GABRG3: variants seen among roughly 807,000 people sequenced by gnomAD.
GABRG3 encodes the protein gamma-aminobutyric acid type A receptor subunit gamma3.
Under a neutral mutation model 48.8 loss-of-function variants are expected in GABRG3, and 25 were observed. The observed-to-expected ratio is 0.51, with a 90% CI of 0.37 to 0.72. The LOEUF (loss-of-function observed/expected upper bound fraction) is 0.72, where lower values mean the gene tolerates loss of function less well. Ranked by LOEUF, GABRG3 falls within the 30% of genes least tolerant of loss-of-function variation. The probability of loss-of-function intolerance (pLI) is 0.00; values close to 1 mark genes in which losing one functional copy is unlikely to be tolerated. For synonymous variants in GABRG3, 227 were observed against 217.6 expected, an observed-to-expected ratio of 1.04 and a Z score of -0.38; for missense variants, 394 against 577.9, an observed-to-expected ratio of 0.68 and a Z score of 3.26.
At position 27,051,645 on chromosome 15, in the gene GABRG3, C is replaced by T. The variant is rs187630926; in HGVS notation, c.270+24824C>T. Among the ~76,000 whole-genome samples, 336 of 152,326 alleles carry T rather than the reference C, an allele frequency of 2.2e-3. No individual in the cohort carries two copies. In the Middle Eastern group the frequency reaches 0.024, roughly 11 times the overall value. ...AGACAGTAGTCCCCAACCTTTTTGG[C>T]ACCAGGGACCGGTTTCATGGAAGAC... is the stretch of plus-strand genomic sequence containing the variant. On this transcript the variant is annotated intron_variant, in intron 3 of 9. Transcript: ENST00000615808.
intron 3 of GABRG3, among the ~76,000 whole-genome samples, chr15:27,121,542 A>G (rs1897731470): frequency 6.6e-6 from 1 of 152,250 alleles, no homozygotes; most frequent in Non-Finnish European, 1.5e-5. Flanking sequence ...GTGACTGTGT[A>G]GAGGCTGTGC....
At chr15:27,175,512 T>C (rs1280409362) in intron 3 of GABRG3, among the ~76,000 whole-genome samples, 1 of 152,202 alleles carries the variant, frequency 6.6e-6, no homozygotes, top group Non-Finnish European at 1.5e-5. Context: ...GCAGTAAGAA[T>C]TTGGAAAAAT....
intron 3 of GABRG3, among the ~76,000 whole-genome samples, chr15:27,247,305 G>A (rs1013435668): frequency 9.2e-5 from 14 of 151,840 alleles, no homozygotes; most frequent in Non-Finnish European, 1.3e-4. Flanking sequence ...TCTAACCCTC[G>A]GGCTTAGTGC....
intron 2 of GABRG3, among the ~76,000 whole-genome samples, chr15:26,977,827 G>A (rs1009534465): frequency 6.6e-6 from 1 of 152,098 alleles, no homozygotes. Flanking sequence ...TGTATTTTTG[G>A]GATAAATACC....
At chr15:26,971,719 T>A in intron 1 of GABRG3, 131 bp downstream of exon 1, 1 of 1,050,116 alleles carries the variant, frequency 9.5e-7, no homozygotes, top group Non-Finnish European at 1.3e-6. Context: ...GGGAGGGGAC[T>A]GGGAAGTCGG....
chr15:27,479,669 A>G (rs1890048569), intron 5 of GABRG3, among the ~76,000 whole-genome samples: 1 of 152,238 alleles, frequency 6.6e-6, no homozygotes, highest in South Asian at 2.1e-4. Flanking sequence ...TGGTGCATAC[A>G]TTTCTTCCAG....
At chr15:27,316,345 G>C (rs977773799) in intron 3 of GABRG3, among the ~76,000 whole-genome samples, 2 of 130,478 alleles carry the variant, frequency 1.5e-5, no homozygotes, top group South Asian at 4.7e-4. Flanking sequence ...CCGAGATCCC[G>C]CCACTGCACT....
chr15:27,035,069 C>T (rs1896152355), intron 3 of GABRG3, among the ~76,000 whole-genome samples: 1 of 152,256 alleles, frequency 6.6e-6, no homozygotes, highest in South Asian at 2.1e-4. Flanking sequence ...GTTCATAGGC[C>T]GTCCATCTGG....
At chr15:27,128,037 G>A (rs1054799568) in intron 3 of GABRG3, among the ~76,000 whole-genome samples, 7 of 152,190 alleles carry the variant, frequency 4.6e-5, no homozygotes, top group Admixed American at 1.3e-4. Flanking sequence ...CACATCTCAT[G>A]ACATATAAAG....
intron 3 of GABRG3, among the ~76,000 whole-genome samples, chr15:27,067,978 G>T (rs1464897891): frequency 6.6e-6 from 1 of 152,190 alleles, no homozygotes; most frequent in Non-Finnish European, 1.5e-5. Flanking sequence ...AGAAGGCTTA[G>T]CTAGTAAGTA....
chr15:27,159,037 G>C (rs1460262830), intron 3 of GABRG3, among the ~76,000 whole-genome samples: 3 of 152,108 alleles, frequency 2.0e-5, no homozygotes, highest in African/African-American at 7.2e-5. Flanking sequence ...CGCTCACTTT[G>C]CTTATGGCAC....
intron 3 of GABRG3, among the ~76,000 whole-genome samples, chr15:27,171,900 T>A (rs1887584042): frequency 6.6e-6 from 1 of 152,204 alleles, no homozygotes. Context: ...TATTTGGCTT[T>A]TGGTTTTTGG....
chr15:27,366,816 A>G (rs1042456610), intron 5 of GABRG3, among the ~76,000 whole-genome samples: 1 of 152,144 alleles, frequency 6.6e-6, no homozygotes, highest in African/African-American at 2.4e-5. Flanking sequence ...CCTTGTGCCC[A>G]TGTGCCCGTG....
At chr15:27,004,070 CG>C (rs1334880156) in intron 2 of GABRG3, among the ~76,000 whole-genome samples, 3 of 145,862 alleles carry the variant, frequency 2.1e-5, no homozygotes, top group Admixed American at 6.7e-5. Flanking sequence ...GCTGACCCGG[CG>C]GGGGGCTGAC....
At chr15:27,089,630 C>G (rs894672523) in intron 3 of GABRG3, among the ~76,000 whole-genome samples, 1 of 152,140 alleles carries the variant, frequency 6.6e-6, no homozygotes, top group Non-Finnish European at 1.5e-5. Context: ...GAGAGAGGCT[C>G]TTGGATTGGA....
intron 3 of GABRG3, among the ~76,000 whole-genome samples, chr15:27,076,754 A>G (rs1313787852): frequency 6.6e-6 from 1 of 152,156 alleles, no homozygotes; most frequent in Admixed American, 6.5e-5. Context: ...ACACTGCCAC[A>G]AGTCAGCAGA....
At chr15:27,210,077 T>G (rs1889022047) in intron 3 of GABRG3, among the ~76,000 whole-genome samples, 1 of 152,088 alleles carries the variant, frequency 6.6e-6, no homozygotes, top group African/African-American at 2.4e-5. Flanking sequence ...AACATATGAA[T>G]TTGGGGGGAC....
intron 6 of GABRG3, among the ~76,000 whole-genome samples, chr15:27,505,909 A>C (rs1433917215): frequency 6.6e-6 from 1 of 152,200 alleles, no homozygotes. Context: ...ATTTTTAGAA[A>C]GATTAAAATG....
At chr15:27,430,807 T>A (rs1888425574) in intron 5 of GABRG3, among the ~76,000 whole-genome samples, 1 of 151,852 alleles carries the variant, frequency 6.6e-6, no homozygotes, top group African/African-American at 2.4e-5. Context: ...CTGGCCAACA[T>A]GCCGAAACCC....
Sources: gnomAD v4.1 joint callset for allele counts (sites outside exome capture counted in the v4.1 genomes callset) on GRCh38, gnomAD v4.1.1 for gene constraint, MANE v1.5 for transcripts, NCBI Gene and HGNC (gene_info 2026-07-23, HGNC 2026-07-21) for gene names.